The following SCFD1 variants were observed in gnomAD, a reference collection of about 807,000 sequenced individuals.
The protein encoded by SCFD1 is sec1 family domain-containing protein 1.
In SCFD1, 37 loss-of-function variants were observed where a neutral mutation model predicts 103.2. The ratio of observed to expected loss-of-function variants is 0.36; its 90% CI spans 0.28 to 0.47. The LOEUF is 0.47. SCFD1 is among the 20% of genes least tolerant of loss of function. The pLI, the probability that SCFD1 is intolerant of heterozygous loss-of-function variation, is 1.00. For synonymous variants in SCFD1, 264 were observed against 245.0 expected (o/e 1.08, Z -0.73); for missense variants, 639 against 761.2 (o/e 0.84, Z 1.89).
intron 10 of SCFD1, among the ~76,000 whole-genome samples, chr14:30,665,177 G>A (rs555600138): frequency 3.3e-5 from 5 of 152,350 alleles, no homozygotes; most frequent in South Asian, 2.1e-4. Context: ...AAGCCCATCC[G>A]ACTAACAGTG....
intron 19 of SCFD1, among the ~76,000 whole-genome samples, chr14:30,711,486 T>G (rs1891867151): frequency 1.3e-5 from 2 of 152,120 alleles, no homozygotes; most frequent in Non-Finnish European, 2.9e-5. Context: ...TGGTGGCACA[T>G]GCTTGGGAGG....
In SCFD1 at chr14:30,722,510, TG is replaced by T; in HGVS notation, c.1790del (p.Gly597GlufsTer15). 1 of 1,601,274 alleles carries T rather than the reference TG, an allele frequency of 6.2e-7. No homozygotes were observed. Among genetic ancestry groups the T allele is most frequent in the Non-Finnish European group, 8.5e-7 (1 of 1,172,822 alleles). ...NPFQEAIVFV[V>X]GGGNYIEYQN... ...GCATTTTAGGCCATTGTTTTTGTGG[TG>T]GGAGGAGGCAACTACATTGAATATC... On this transcript the variant is annotated frameshift_variant, in exon 23 of 25. Coordinates refer to ENST00000458591, the MANE Select transcript of SCFD1 (RefSeq NM_016106.4). LOFTEE classifies it high-confidence loss of function.
intron 14 of SCFD1, among the ~76,000 whole-genome samples, chr14:30,684,997 T>G (rs1282470994): frequency 1.3e-5 from 1 of 75,568 alleles, no homozygotes; most frequent in Non-Finnish European, 2.4e-5. Context: ...AGTGTGATAT[T>G]CCCCTTCCTG....
intron 22 of SCFD1, 76 bp from the exon 23 acceptor site, chr14:30,722,418 T>C: frequency 9.1e-7 from 1 of 1,099,510 alleles, no homozygotes; most frequent in Non-Finnish European, 1.3e-6. Flanking sequence ...TTGGCTAGCA[T>C]TTTTTAACCT....
rs751979187 is a variant in SCFD1, at chr14:30,650,663, T to C, written c.755+13T>C. 1 of 1,403,098 alleles carries C rather than the reference T, an allele frequency of 7.1e-7. No homozygotes were observed. Among genetic ancestry groups the C allele is most frequent in the South Asian group, 1.2e-5 (1 of 84,306 alleles). 86.9% of individuals were successfully genotyped at this position (1,403,098 alleles called of 1,614,324 possible). A position where few individuals can be genotyped will look rare whatever the true frequency, so the allele number is the denominator to read the frequency against. ...CTGGCCAATTCAGGTATTACTGTTA[T>C]TAAATACACTTGTAAGACTTTAAAA... On this transcript the variant is annotated intron_variant, in intron 9 of 24. Transcript: ENST00000458591.
intron 1 of SCFD1, among the ~76,000 whole-genome samples, chr14:30,625,325 T>A (rs1182769209): frequency 6.6e-6 from 1 of 152,186 alleles, no homozygotes; most frequent in South Asian, 2.1e-4. Flanking sequence ...GGAGTGTTTT[T>A]GATTTTGGAA....
In SCFD1 at chr14:30,650,519, A is replaced by G. The variant is rs774456634; in HGVS notation, c.670-46A>G. On this transcript the variant is annotated intron_variant, in intron 8 of 24. Coordinates refer to ENST00000458591, the MANE Select transcript of SCFD1 (RefSeq NM_016106.4). ...ACACATTTTGAATTAACCTCCATAA[A>G]GTTATATGAAACTGTTAAGAGTTAA... 4.4e-5 allele frequency: 49 copies of G among 1,109,920 alleles called. No homozygotes were observed. In the Middle Eastern group the frequency reaches 6.0e-4, roughly 14 times the overall value. The allele number at this position is 1,109,920 out of a possible 1,614,324, so 68.8% of individuals were successfully genotyped here.
intron 10 of SCFD1, chr14:30,653,894 C>T (rs111677967): frequency 0.021 from 3,714 of 179,450 alleles, 183 homozygotes; most frequent in African/African-American, 0.081. Flanking sequence ...ATTTTCTAAC[C>T]GAATAAGTAA....
At position 30,649,558 on chromosome 14, in the gene SCFD1, G is replaced by A. The variant is rs1246698489; in HGVS notation, c.644G>A (p.Gly215Glu). The change falls in exon 8 of 25, where the codon GGA becomes GAA. Residue 215 changes from glycine to glutamate, a missense_variant. Physicochemically the swap from Gly to Glu is moderately conservative, Grantham distance 98. Coordinates refer to ENST00000458591, the MANE Select transcript of SCFD1 (RefSeq NM_016106.4). ...GAVPIIRCSR[G>E]TAAEMVAVKL... ...GTTCCTATAATCAGATGTTCAAGAG[G>A]AACAGCAGCAGAAATGGTAGCAGTG... 3 of 1,574,036 alleles carry A rather than the reference G, an allele frequency of 1.9e-6. No homozygotes were observed. The highest frequency in any genetic ancestry group is 2.6e-6 in the Non-Finnish European group (3 of 1,167,516).
chr14:30,639,763 TC>T lies in SCFD1; in HGVS notation c.436-13del. 2 of 1,560,128 alleles carry T rather than the reference TC, an allele frequency of 1.3e-6. No homozygotes were observed. The stretch of plus-strand genomic sequence containing the variant: ...TTGTAAGATTGATTTGTAAACCTTT[TC>T]TTTTGTTTCTAGGTTTTTGACCAAT... On this transcript the variant is annotated splice_polypyrimidine_tract_variant and intron_variant, in intron 5 of 24. Coordinates refer to ENST00000458591, the MANE Select transcript of SCFD1 (RefSeq NM_016106.4).
intron 19 of SCFD1, 144 bp downstream of exon 19, chr14:30,708,209 T>TA (rs1891608102): frequency 3.3e-6 from 2 of 604,298 alleles, no homozygotes. Context: ...TTTTAAGTTC[T>TA]GGGGTACATG....
chr14:30,684,373 G>A (rs970703031), intron 14 of SCFD1, among the ~76,000 whole-genome samples: 3 of 152,204 alleles, frequency 2.0e-5, no homozygotes, highest in Non-Finnish European at 4.4e-5. Flanking sequence ...ACTAGTTTTA[G>A]AAAGTGCTCC....
chr14:30,670,219 G>T lies in SCFD1; in HGVS notation c.856-37G>T, dbSNP rs368567943. ...CAAGATTCTATTTTTATTAGACTTA[G>T]AAAACAGTTGTTTAACACAAGATTA... On this transcript the variant is annotated intron_variant, in intron 10 of 24. Transcript: ENST00000458591. The T allele has an allele frequency of 4.6e-5, 69 of 1,505,048 alleles. No individual in the cohort carries two copies. The Admixed American group carries it at 1.1e-3, about 23-fold the overall frequency. The allele number at this position is 1,505,048 out of a possible 1,614,324, so 93.2% of individuals were successfully genotyped here.
chr14:30,732,134 C>G (rs1181152443), intron 23 of SCFD1, among the ~76,000 whole-genome samples: 1 of 152,192 alleles, frequency 6.6e-6, no homozygotes, highest in Admixed American at 6.5e-5. Flanking sequence ...ATTCCAAGTG[C>G]ATAAAAATCC....
chr14:30,728,117 C>A (rs2139432437), intron 23 of SCFD1, among the ~76,000 whole-genome samples: 1 of 152,244 alleles, frequency 6.6e-6, no homozygotes, highest in East Asian at 1.9e-4. Context: ...TTATCAGTTC[C>A]TGTGTTATTA....
intron 15 of SCFD1, among the ~76,000 whole-genome samples, chr14:30,695,120 G>A (rs1455250461): frequency 6.6e-6 from 1 of 152,108 alleles, no homozygotes; most frequent in African/African-American, 2.4e-5. Context: ...CTTGTTTAAG[G>A]TGATATATGT....
intron 15 of SCFD1, among the ~76,000 whole-genome samples, chr14:30,697,089 T>G (rs964146486): frequency 6.6e-6 from 1 of 152,100 alleles, no homozygotes; most frequent in African/African-American, 2.4e-5. Flanking sequence ...TGTATACTCA[T>G]GTATTCCGTA....
intron 10 of SCFD1, among the ~76,000 whole-genome samples, chr14:30,660,817 C>T (rs896148322): frequency 6.6e-6 from 1 of 152,030 alleles, no homozygotes; most frequent in Non-Finnish European, 1.5e-5. Flanking sequence ...TGAATTATCT[C>T]GTTTTTGGCC....
At chr14:30,725,250 A>G (rs1205793284) in intron 23 of SCFD1, among the ~76,000 whole-genome samples, 1 of 152,132 alleles carries the variant, frequency 6.6e-6, no homozygotes, top group African/African-American at 2.4e-5. Flanking sequence ...TAGGAATAGC[A>G]TTGAATCTAC....
Sources: allele counts gnomAD v4.1 joint callset (sites outside exome capture counted in the v4.1 genomes callset), GRCh38; gene constraint gnomAD v4.1.1; transcripts MANE v1.5; gene names NCBI Gene and HGNC (gene_info 2026-07-23, HGNC 2026-07-21).